The following SUMF1 variants were observed in gnomAD, a reference collection of about 807,000 sequenced individuals.
SUMF1 encodes formylglycine-generating enzyme.
SUMF1 carries 48 observed loss-of-function variants against 47.6 expected under a neutral mutation model. That is an observed-to-expected ratio of 1.01 (90% confidence interval 0.80 to 1.28). The LOEUF is 1.28. Among genes scored for constraint, SUMF1 ranks in the 50% most tolerant of loss-of-function variants. The pLI is 0.00. For synonymous variants in SUMF1, 230 were observed against 192.1 expected (o/e 1.20, Z -1.63); for missense variants, 571 against 485.4 (o/e 1.18, Z -1.66).
In SUMF1 at chr3:4,179,485, G is replaced by A. The variant is rs372438718; in HGVS notation, c.1015-110740C>T. ...TGCTGGGAAAACTGGCTAGCTATAC[G>A]TAGAAAGCTGAAACTGGATCCCTTC... On this transcript the variant is annotated intron_variant and NMD_transcript_variant, in intron 8 of 12. Coordinates refer to the SUMF1 transcript ENST00000448413. Among the ~76,000 whole-genome samples, 81 of 152,230 alleles carry A rather than the reference G, an allele frequency of 5.3e-4. 1 individual carries two copies. In the South Asian group the frequency reaches 0.016, roughly 30 times the overall value.
chr3:4,266,099 T>A (rs1697188739), intron 8 of SUMF1, among the ~76,000 whole-genome samples: 1 of 152,220 alleles, frequency 6.6e-6, no homozygotes, highest in Non-Finnish European at 1.5e-5. Flanking sequence ...ATCTCTGTTT[T>A]GATACCAGTA....
intron 8 of SUMF1, among the ~76,000 whole-genome samples, chr3:4,249,378 CAA>C (rs1456484264): frequency 6.6e-6 from 1 of 151,980 alleles, no homozygotes; most frequent in Non-Finnish European, 1.5e-5. Flanking sequence ...TCATTTTCTC[CAA>C]CAGCATATGC....
intron 7 of SUMF1, among the ~76,000 whole-genome samples, chr3:4,377,512 C>G (rs904155142): frequency 6.6e-6 from 1 of 152,114 alleles, no homozygotes; most frequent in African/African-American, 2.4e-5. Flanking sequence ...CACTGCGCTC[C>G]CACTTAGAGA....
At chr3:4,329,484 A>G (rs1292621523) in intron 8 of SUMF1, among the ~76,000 whole-genome samples, 1 of 152,252 alleles carries the variant, frequency 6.6e-6, no homozygotes, top group Non-Finnish European at 1.5e-5. Context: ...GCACCCTCTG[A>G]AACAATGGCC....
chr3:4,041,835 C>G lies in SUMF1; in HGVS notation c.1191+26734G>C, dbSNP rs548231417. On this transcript the variant is annotated intron_variant and NMD_transcript_variant, in intron 9 of 12. Transcript: ENST00000448413. ...AACAGAAGTGGCTGGTTATGAAAACCGGCAGCACAGCTTTTTCCCTCCCTG... is the reference window on the plus strand; with the variant it reads ...AACAGAAGTGGCTGGTTATGAAAACGGGCAGCACAGCTTTTTCCCTCCCTG... Among the ~76,000 whole-genome samples, 4 of 152,236 alleles carry G rather than the reference C, an allele frequency of 2.6e-5. No homozygotes were observed. In the South Asian group the frequency reaches 8.3e-4, roughly 32 times the overall value.
intron 8 of SUMF1, among the ~76,000 whole-genome samples, chr3:4,092,473 T>C (rs923376255): frequency 1.3e-5 from 2 of 152,186 alleles, no homozygotes; most frequent in African/African-American, 4.8e-5. Flanking sequence ...ACTATTTTAA[T>C]GTGTCAGCTT....
intron 7 of SUMF1, among the ~76,000 whole-genome samples, chr3:4,383,700 G>A (rs1700582078): frequency 6.6e-6 from 1 of 152,124 alleles, no homozygotes; most frequent in African/African-American, 2.4e-5. Flanking sequence ...GGATTCTCCG[G>A]CTGTGACAAA....
intron 3 of SUMF1, among the ~76,000 whole-genome samples, chr3:4,446,185 T>G (rs1455172006): frequency 6.6e-6 from 1 of 152,190 alleles, no homozygotes; most frequent in African/African-American, 2.4e-5. Flanking sequence ...CCCATCCAAA[T>G]CTCATCTTGA....
intron 8 of SUMF1, among the ~76,000 whole-genome samples, chr3:4,195,031 C>G (rs1695398440): frequency 6.6e-6 from 1 of 152,116 alleles, no homozygotes. Flanking sequence ...GAGCCCTTGT[C>G]TGTGGAGGCT....
rs568665412 is a variant in SUMF1 at position 4,150,334 on chromosome 3, G to C, written c.1015-81589C>G. ...CCCAGCACTTTGGGAGGCCGAGGCA[G>C]GTGGATTGCCTGAGCTCAGGAGTTT... On this transcript the variant is annotated intron_variant and NMD_transcript_variant, in intron 8 of 12. Transcript: ENST00000448413. 2.6e-5 allele frequency among the ~76,000 whole-genome samples: 4 copies of C among 151,366 alleles called. No individual in the cohort carries two copies. The East Asian group carries it at 7.7e-4, about 29-fold the overall frequency.
At chr3:4,352,985 T>C (rs1699536625) in intron 8 of SUMF1, among the ~76,000 whole-genome samples, 1 of 152,202 alleles carries the variant, frequency 6.6e-6, no homozygotes, top group Admixed American at 6.5e-5. Context: ...CAGACCTTGC[T>C]CTTCTCCTAG....
At chr3:4,190,063 A>C (rs1326133474) in intron 8 of SUMF1, among the ~76,000 whole-genome samples, 1 of 152,142 alleles carries the variant, frequency 6.6e-6, no homozygotes, top group African/African-American at 2.4e-5. Context: ...GATATCTATA[A>C]AGACTTTTAG....
chr3:4,056,407 T>C (rs547506615), intron 9 of SUMF1, among the ~76,000 whole-genome samples: 19 of 152,208 alleles, frequency 1.2e-4, no homozygotes, highest in African/African-American at 3.4e-4. Flanking sequence ...GACATGGTGG[T>C]TCATGCCTGT....
chr3:4,064,072 T>A (rs1473858756), intron 9 of SUMF1, among the ~76,000 whole-genome samples: 3 of 152,202 alleles, frequency 2.0e-5, no homozygotes, highest in Non-Finnish European at 2.9e-5. Flanking sequence ...CCAGAGTGAC[T>A]TCATCTTGAA....
intron 8 of SUMF1, among the ~76,000 whole-genome samples, chr3:4,287,474 A>G (rs1178948921): frequency 2.0e-5 from 3 of 151,880 alleles, no homozygotes; most frequent in Non-Finnish European, 4.4e-5. Context: ...TCACCGCACA[A>G]CCTTCTAACT....
intron 8 of SUMF1, chr3:4,313,134 A>G (rs751241391): frequency 6.2e-7 from 1 of 1,614,096 alleles, no homozygotes; most frequent in South Asian, 1.1e-5. Context: ...GCAGAAACAG[A>G]GTGGTCCAGA....
At chr3:4,236,130 T>G (rs1459060312) in intron 8 of SUMF1, among the ~76,000 whole-genome samples, 3 of 151,942 alleles carry the variant, frequency 2.0e-5, no homozygotes, top group Non-Finnish European at 4.4e-5. Flanking sequence ...TAGATGGGGT[T>G]TTGCCATGTT....
At chr3:4,060,688 G>GT (rs1328817829) in intron 9 of SUMF1, among the ~76,000 whole-genome samples, 1 of 150,298 alleles carries the variant, frequency 6.7e-6, no homozygotes, top group African/African-American at 2.5e-5. Context: ...AAATGAGTTT[G>GT]CACCAACTTT....
intron 8 of SUMF1, among the ~76,000 whole-genome samples, chr3:4,268,171 G>C (rs1697234481): frequency 6.6e-6 from 1 of 152,056 alleles, no homozygotes. Flanking sequence ...TCACTCACAG[G>C]TGGGAACTGA....
Sources: allele counts gnomAD v4.1 joint callset (sites outside exome capture counted in the v4.1 genomes callset), GRCh38; gene constraint gnomAD v4.1.1; transcripts MANE v1.5; gene names NCBI Gene and HGNC (gene_info 2026-07-23, HGNC 2026-07-21).